Variants in ENOX2 observed in about 807,000 individuals in gnomAD.
ENOX2 encodes the protein ecto-NOX disulfide-thiol exchanger 2.
A neutral mutation model predicts 45.0 loss-of-function variants in ENOX2; 36 were observed. That is an observed-to-expected ratio of 0.80 (90% CI 0.61 to 1.06). The LOEUF (loss-of-function observed/expected upper bound fraction) is 1.06, where lower values mean the gene tolerates loss of function less well. ENOX2 is among the 50% of genes least tolerant of loss of function. The pLI is 0.00. For missense variants in ENOX2, 423 were observed against 462.5 expected, an observed-to-expected ratio of 0.91 and a Z score of 0.78; for synonymous variants, 174 against 152.3, an observed-to-expected ratio of 1.14 and a Z score of -1.05.
At position 130,689,416 on chromosome X, in the gene ENOX2, G is replaced by C. The variant is rs555790916; in HGVS notation, c.98-398C>G. Among the ~76,000 whole-genome samples the C allele has an allele frequency of 8.1e-5, 9 of 111,622 alleles. No homozygotes were observed. The South Asian group carries it at 3.5e-3, about 43-fold the overall frequency. ...ATGATATTAAGAGCACAGAGTTTTG[G>C]GGATCAAGCAGACCTGGGTTTTAGG... On this transcript the variant is annotated intron_variant, in intron 4 of 14. Coordinates refer to ENST00000394363, the MANE Select transcript of ENOX2 (RefSeq NM_006375.4).
chrX:130,835,088 A>T (rs1159447457), intron 2 of ENOX2, among the ~76,000 whole-genome samples: 1 of 111,729 alleles, frequency 9.0e-6, no homozygotes, highest in Non-Finnish European at 1.9e-5. Flanking sequence ...AACTTAGAAA[A>T]AAAACAGATA....
chrX:130,739,841 A>G (rs1314891841), intron 3 of ENOX2, among the ~76,000 whole-genome samples: 2 of 112,361 alleles, frequency 1.8e-5, no homozygotes, highest in Admixed American at 1.9e-4. Context: ...TGTCAGGAAT[A>G]TAGGTTAAAG....
chrX:130,796,847 G>A (rs1157657188), intron 2 of ENOX2, among the ~76,000 whole-genome samples: 1 of 111,956 alleles, frequency 8.9e-6, no homozygotes, highest in Non-Finnish European at 1.9e-5. Flanking sequence ...AGAAAGCCTG[G>A]AAAAATTAAT....
chrX:130,743,358 C>T (rs1376870215), intron 3 of ENOX2, among the ~76,000 whole-genome samples: 5 of 111,860 alleles, frequency 4.5e-5, no homozygotes, highest in Non-Finnish European at 7.5e-5. Flanking sequence ...GTAATAGACA[C>T]ATTGTCTTCT....
At chrX:130,627,005 C>G (rs2035562567) in intron 14 of ENOX2, among the ~76,000 whole-genome samples, 1 of 111,276 alleles carries the variant, frequency 9.0e-6, no homozygotes, top group African/African-American at 3.3e-5. Context: ...TAGAGGCATC[C>G]TTGATTTCCT....
At chrX:130,859,782 AATG>A (rs2078380167) in intron 2 of ENOX2, among the ~76,000 whole-genome samples, 1 of 111,720 alleles carries the variant, frequency 9.0e-6, no homozygotes. Context: ...TTAGACAAGT[AATG>A]ATGTGGTGCT....
chrX:130,692,054 C>G (rs1327787085), intron 4 of ENOX2, among the ~76,000 whole-genome samples: 2 of 113,179 alleles, frequency 1.8e-5, no homozygotes, highest in Non-Finnish European at 1.9e-5. Context: ...GCCAGGAGTT[C>G]CATAGGCTAC....
chrX:130,729,204 C>A (rs2038677992), intron 3 of ENOX2, among the ~76,000 whole-genome samples: 1 of 111,762 alleles, frequency 8.9e-6, no homozygotes, highest in African/African-American at 3.3e-5. Context: ...TGCAAGAGAT[C>A]AAATGTTTTC....
chrX:130,889,749 C>T lies in ENOX2; in HGVS notation c.-183+11935G>A, dbSNP rs192616934. On this transcript the variant is annotated intron_variant, in intron 2 of 14. Transcript: ENST00000394363. ...AGTGGCCCCCTAACCATCAAAGCTGCAAACCTAGCCTTCCAACTGCTTAGG... is the reference window on the plus strand; with the variant it reads ...AGTGGCCCCCTAACCATCAAAGCTGTAAACCTAGCCTTCCAACTGCTTAGG... 3.9e-4 allele frequency among the ~76,000 whole-genome samples: 44 copies of T among 112,664 alleles called. No homozygotes were observed. In the East Asian group the frequency reaches 0.01, roughly 27 times the overall value.
rs774764016 is a variant in ENOX2 at position 130,689,035 on chromosome X, G to C, written c.98-17C>G. ...GATCAAAGTCTAAAAAAGGAGAAGA[G>C]AGAACAATAAATGACACCAGGCAAA... On this transcript the variant is annotated splice_polypyrimidine_tract_variant and intron_variant, in intron 4 of 14. Transcript: ENST00000394363. 8 of 1,191,732 alleles carry C rather than the reference G, an allele frequency of 6.7e-6. No individual in the cohort carries two copies. The East Asian group carries it at 2.1e-4, about 31-fold the overall frequency.
intron 3 of ENOX2, among the ~76,000 whole-genome samples, chrX:130,768,406 T>C (rs1408358859): frequency 8.9e-6 from 1 of 112,023 alleles, no homozygotes; most frequent in East Asian, 2.8e-4. Flanking sequence ...ATCACTGCTA[T>C]AGTGTCAGAT....
chrX:130,725,631 T>C (rs1034881382), intron 3 of ENOX2, among the ~76,000 whole-genome samples: 2 of 110,078 alleles, frequency 1.8e-5, no homozygotes, highest in African/African-American at 6.6e-5. Context: ...AGCAAATACT[T>C]ATCTGCTGGG....
intron 2 of ENOX2, among the ~76,000 whole-genome samples, chrX:130,865,629 G>A (rs1233628381): frequency 8.9e-6 from 1 of 111,811 alleles, no homozygotes; most frequent in African/African-American, 3.3e-5. Flanking sequence ...ACACACTTAG[G>A]AAACATCATT....
At chrX:130,893,020 C>T (rs1216914562) in intron 2 of ENOX2, among the ~76,000 whole-genome samples, 2 of 110,827 alleles carry the variant, frequency 1.8e-5, no homozygotes, top group South Asian at 3.8e-4. Flanking sequence ...AAAAGGTTGA[C>T]GAAAAGGAGA....
chrX:130,667,962 G>C (rs1442244636), intron 7 of ENOX2, among the ~76,000 whole-genome samples: 4 of 110,687 alleles, frequency 3.6e-5, no homozygotes, highest in Non-Finnish European at 1.9e-5. Context: ...GTTGTGGTCT[G>C]TGATGAATTT....
chrX:130,785,984 T>A (rs747755194), intron 2 of ENOX2, among the ~76,000 whole-genome samples: 2 of 112,788 alleles, frequency 1.8e-5, no homozygotes, highest in African/African-American at 6.4e-5. Context: ...CACATACATA[T>A]TTATGAGAAT....
intron 4 of ENOX2, among the ~76,000 whole-genome samples, 166 bp from the exon 5 acceptor site, chrX:130,689,184 T>C (rs1232096385): frequency 2.7e-5 from 3 of 112,123 alleles, no homozygotes. Context: ...CTTATAGTTG[T>C]GCATTTTCCT....
chrX:130,867,784 T>C (rs767692807), intron 2 of ENOX2, among the ~76,000 whole-genome samples: 21 of 111,971 alleles, frequency 1.9e-4, no homozygotes, highest in African/African-American at 5.5e-4. Context: ...TGACACAGAA[T>C]AGCCATAGTT....
chrX:130,625,570 C>T (rs1381066295), intron 14 of ENOX2, 125 bp from the exon 15 acceptor site: 2 of 660,702 alleles, frequency 3.0e-6, no homozygotes, highest in East Asian at 7.6e-5. Flanking sequence ...TTAACCTCCT[C>T]CTGCTCCTTG....
Sources: gnomAD v4.1 joint callset for allele counts (sites outside exome capture counted in the v4.1 genomes callset) on GRCh38, gnomAD v4.1.1 for gene constraint, MANE v1.5 for transcripts, NCBI Gene and HGNC (gene_info 2026-07-23, HGNC 2026-07-21) for gene names.